P2RY2: variants seen among roughly 807,000 people sequenced by gnomAD.
P2RY2 encodes P2Y purinoceptor 2.
For missense variants in P2RY2, 567 were observed against 515.7 expected, an observed-to-expected ratio of 1.10 and a Z score of -0.96; for synonymous variants, 241 against 231.9, an observed-to-expected ratio of 1.04 and a Z score of -0.35.
intron 1 of P2RY2, among the ~76,000 whole-genome samples, chr11:73,223,761 G>A (rs745881464): frequency 5.9e-5 from 9 of 152,230 alleles, no homozygotes; most frequent in Non-Finnish European, 1.3e-4. Context: ...TTAGTAGCAT[G>A]TCTCTGTAGC....
intron 2 of P2RY2, among the ~76,000 whole-genome samples, chr11:73,232,960 G>A (rs895705395): frequency 1.3e-5 from 2 of 152,158 alleles, no homozygotes; most frequent in African/African-American, 4.8e-5. Flanking sequence ...GGGGTAAGGA[G>A]GAGAGGGAGG....
chr11:73,235,135 C>A lies in P2RY2; in HGVS notation c.976C>A (p.Pro326Thr), dbSNP rs143795035. 1.7e-4 allele frequency: 278 copies of A among 1,609,820 alleles called. No homozygotes were observed. The highest frequency in any genetic ancestry group is 2.3e-4 in the Non-Finnish European group (267 of 1,179,302). The change falls in exon 3 of 3, where the codon CCC (proline) becomes ACC (threonine). Residue 326 changes from proline (P) to threonine (T), a missense_variant. Physicochemically the swap from Pro to Thr is conservative, Grantham distance 38 (BLOSUM62 -1). Transcript: ENST00000393597. ...FARDAKPPTG[P>T]SPATPARRRL... ...CCGAGATGCCAAGCCACCCACTGGC[C>A]CCAGCCCTGCCACCCCGGCTCGCCG... is the stretch of plus-strand genomic sequence containing the variant.
rs776451126 is a variant in P2RY2, at chr11:73,235,032, C to CA, written c.873_874insA (p.Arg292ThrfsTer7). Reference sequence around the variant, plus strand: ...CCATCAACATGGCCTACAAGGTTACCCGGCCGCTGGCCAGTGCTAACAGTT... The same window carrying CA: ...CCATCAACATGGCCTACAAGGTTACCACGGCCGCTGGCCAGTGCTAACAGTT... On this transcript the variant is annotated frameshift_variant, in exon 3 of 3. Coordinates refer to ENST00000393597, the MANE Select transcript of P2RY2 (RefSeq NM_002564.4). LOFTEE classifies it low-confidence loss of function (END_TRUNC). 5.0e-6 allele frequency: 8 copies of CA among 1,608,276 alleles called. No homozygotes were observed. The South Asian group carries it at 7.7e-5, about 15-fold the overall frequency.
In P2RY2 at chr11:73,238,898, A is replaced by G. The variant is rs1862716895; in HGVS notation, c.*3605A>G. On this transcript the variant is annotated 3_prime_UTR_variant, in exon 3 of 3. Coordinates refer to ENST00000393597, the MANE Select transcript of P2RY2 (RefSeq NM_002564.4). ...GGCAGTGTAGCAAGGATGTGAGAACACAGATGCTCCACCCAGACCACCTCA... is the reference window on the plus strand; with the variant it reads ...GGCAGTGTAGCAAGGATGTGAGAACGCAGATGCTCCACCCAGACCACCTCA... The G allele has an allele frequency of 6.6e-6, 1 of 152,220 alleles. No individual in the cohort carries two copies. Among genetic ancestry groups the G allele is most frequent in the African/African-American group, 2.4e-5 (1 of 41,450 alleles). The allele number at this position is 152,220 out of a possible 1,614,324, so 9.4% of individuals were successfully genotyped here. A position where few individuals can be genotyped will look rare whatever the true frequency, so the allele number is the denominator to read the frequency against.
Position 73,241,404 on chromosome 11 carries a change from T to G in P2RY2, c.*6111T>G, listed in dbSNP as rs1174819261. On this transcript the variant is annotated 3_prime_UTR_variant, in exon 3 of 3. Coordinates refer to ENST00000393597, the MANE Select transcript of P2RY2 (RefSeq NM_002564.4). Reference sequence around the variant, plus strand: ...GGACTGCAAATTCAGTTTCTTCATCTGGAAAATTGAACTGGTAATACCAAT... The same window carrying G: ...GGACTGCAAATTCAGTTTCTTCATCGGGAAAATTGAACTGGTAATACCAAT... 1 of 152,518 alleles carries G rather than the reference T, an allele frequency of 6.6e-6. No individual in the cohort carries two copies. Among genetic ancestry groups the G allele is most frequent in the Non-Finnish European group, 1.5e-5 (1 of 68,218 alleles). 9.4% of individuals were successfully genotyped at this position (152,518 alleles called of 1,614,324 possible). A position where few individuals can be genotyped will look rare whatever the true frequency, so the allele number is the denominator to read the frequency against.
chr11:73,232,964 A>T (rs1862502612), intron 2 of P2RY2, among the ~76,000 whole-genome samples: 1 of 152,016 alleles, frequency 6.6e-6, no homozygotes, highest in African/African-American at 2.4e-5. Context: ...TAAGGAGGAG[A>T]GGGAGGGGAC....
At chr11:73,222,584 C>T (rs1334318681) in intron 1 of P2RY2, among the ~76,000 whole-genome samples, 1 of 152,172 alleles carries the variant, frequency 6.6e-6, no homozygotes, top group East Asian at 1.9e-4. Context: ...TGCCACCTCA[C>T]CCTCCACAGT....
intron 2 of P2RY2, 54 bp from the exon 3 acceptor site, chr11:73,234,102 C>T (rs959346694): frequency 6.5e-7 from 1 of 1,549,050 alleles, no homozygotes; most frequent in Non-Finnish European, 8.7e-7. Context: ...TGTCAGGTCC[C>T]CTAGGGGCGC....
At position 73,235,213 on chromosome 11, in the gene P2RY2, G is replaced by A; in HGVS notation, c.1054G>A (p.Val352Met). ...DRTDMQRIED[V>M]LGSSEDSRRT... Reference sequence around the variant, plus strand: ...AACTGACATGCAGAGGATAGAAGATGTGTTGGGCAGCAGTGAGGACTCTAG... The same window carrying A: ...AACTGACATGCAGAGGATAGAAGATATGTTGGGCAGCAGTGAGGACTCTAG... Residue 352 changes from valine (V) to methionine (M), a missense_variant, in exon 3 of 3, where the codon GTG becomes ATG. Transcript: ENST00000393597. 12 of 1,611,790 alleles carry A rather than the reference G, an allele frequency of 7.4e-6. No individual in the cohort carries two copies. The highest frequency in any genetic ancestry group is 2.7e-5 in the African/African-American group (2 of 75,052).
At chr11:73,233,416 G>T (rs1862516635) in intron 2 of P2RY2, among the ~76,000 whole-genome samples, 1 of 152,238 alleles carries the variant, frequency 6.6e-6, no homozygotes, top group Non-Finnish European at 1.5e-5. Context: ...ATGCCTGCAG[G>T]GGGCTGTTGG....
chr11:73,231,359 G>A (rs1017670125), intron 2 of P2RY2, among the ~76,000 whole-genome samples: 3 of 139,074 alleles, frequency 2.2e-5, no homozygotes, highest in Non-Finnish European at 3.1e-5. Context: ...CAATGTGGGC[G>A]ACATGGCAAA....
chr11:73,229,845 C>T lies in P2RY2; in HGVS notation c.-5+1670C>T, dbSNP rs1007362786. Among the ~76,000 whole-genome samples, 5 of 151,998 alleles carry T rather than the reference C, an allele frequency of 3.3e-5. No homozygotes were observed. The East Asian group carries it at 5.8e-4, about 18-fold the overall frequency. On this transcript the variant is annotated intron_variant, in intron 2 of 2. Transcript: ENST00000393597. ...CACGGGGGCAGAAACAGAGCAGTGG[C>T]GTGAAGGGGAGACTGGGTGTGTGTG...
intron 1 of P2RY2, among the ~76,000 whole-genome samples, chr11:73,219,079 T>C (rs531320321): frequency 6.6e-6 from 1 of 152,182 alleles, no homozygotes; most frequent in Admixed American, 6.5e-5. Flanking sequence ...GTGGCCCTCT[T>C]GGGGTCCTCC....
At chr11:73,225,016 C>T (rs1862236786) in intron 1 of P2RY2, among the ~76,000 whole-genome samples, 1 of 152,224 alleles carries the variant, frequency 6.6e-6, no homozygotes. Context: ...TGCCTAGTGC[C>T]TCTCTTGCCC....
intron 1 of P2RY2, among the ~76,000 whole-genome samples, chr11:73,222,053 G>C (rs973300895): frequency 4.6e-5 from 7 of 152,206 alleles, no homozygotes; most frequent in African/African-American, 1.4e-4. Context: ...TTTCTGGTAG[G>C]AGGGTGAGCA....
chr11:73,234,093 G>A, intron 2 of P2RY2, 63 bp from the exon 3 acceptor site: 1 of 1,523,908 alleles, frequency 6.6e-7, no homozygotes, highest in Middle Eastern at 2.0e-4. Context: ...AGGTGGCTGT[G>A]TCAGGTCCCC....
chr11:73,235,147 A>T lies in P2RY2; in HGVS notation c.988A>T (p.Thr330Ser), dbSNP rs1217999172. The T allele has an allele frequency of 6.2e-7, 1 of 1,608,972 alleles. No individual in the cohort carries two copies. The highest frequency in any genetic ancestry group is 1.7e-5 in the Admixed American group (1 of 59,924). The stretch of plus-strand genomic sequence containing the variant: ...GCCACCCACTGGCCCCAGCCCTGCC[A>T]CCCCGGCTCGCCGCAGGCTGGGCCT... ...AKPPTGPSPA[T>S]PARRRLGLRR... The change falls in exon 3 of 3, where the codon ACC (threonine) becomes TCC (serine). Residue 330 changes from threonine to serine, a missense_variant. Physicochemically the swap from Thr to Ser is moderately conservative, Grantham distance 58. Transcript: ENST00000393597.
At chr11:73,231,874 A>T (rs1862469920) in intron 2 of P2RY2, among the ~76,000 whole-genome samples, 2 of 152,036 alleles carry the variant, frequency 1.3e-5, no homozygotes, top group Admixed American at 1.3e-4. Flanking sequence ...ACATGGTGAA[A>T]CCCCATCTCT....
At chr11:73,221,314 G>A (rs1029271210) in intron 1 of P2RY2, among the ~76,000 whole-genome samples, 1 of 152,166 alleles carries the variant, frequency 6.6e-6, no homozygotes, top group Non-Finnish European at 1.5e-5. Flanking sequence ...TTGCAGATCA[G>A]GAAATAGAGG....
Sources: allele counts gnomAD v4.1 joint callset (sites outside exome capture counted in the v4.1 genomes callset), GRCh38; gene constraint gnomAD v4.1.1; transcripts MANE v1.5; gene names NCBI Gene and HGNC (gene_info 2026-07-23, HGNC 2026-07-21).